The following RFTN1 variants were observed in gnomAD, a reference collection of about 807,000 sequenced individuals.
RFTN1 encodes the protein raftlin.
In RFTN1, 26 loss-of-function variants were observed where a neutral mutation model predicts 46.5. That is an observed-to-expected ratio of 0.56 (90% CI 0.41 to 0.78). The LOEUF (loss-of-function observed/expected upper bound fraction) is 0.78. Ranked by LOEUF, RFTN1 falls within the 30% of genes least tolerant of loss-of-function variation. The pLI, the probability that RFTN1 is intolerant of heterozygous loss-of-function variation, is 0.00. For missense variants in RFTN1, 693 were observed against 718.7 expected (o/e 0.96, Z 0.41); for synonymous variants, 261 against 284.2 (o/e 0.92, Z 0.82).
At chr3:16,398,583 TCCAGGTGCCCCATGGCCACAGCCA>T (rs1398040337) in intron 4 of RFTN1, among the ~76,000 whole-genome samples, 1 of 152,108 alleles carries the variant, frequency 6.6e-6, no homozygotes, top group Non-Finnish European at 1.5e-5. Flanking sequence ...CAAAGTAACA[TCCAGGTGCCCCATGGCCACAGCCA>T]GGTCCGGGAG....
chr3:16,353,205 C>T lies in RFTN1; in HGVS notation c.1146+4727G>A, dbSNP rs2072212638. The stretch of plus-strand genomic sequence containing the variant: ...TTAACTAGAAGCCAAAAGGGACCTG[C>T]TCAGGCCTTAAAAAGGAAAAATCTT... On this transcript the variant is annotated intron_variant, in intron 7 of 9. Coordinates refer to ENST00000334133, the MANE Select transcript of RFTN1 (RefSeq NM_015150.2). The surrounding 1 kb of genome is among the most constrained non-coding windows in gnomAD (Gnocchi z 5.4). Among the ~76,000 whole-genome samples, 2 of 152,262 alleles carry T rather than the reference C, an allele frequency of 1.3e-5. No homozygotes were observed. Among genetic ancestry groups the T allele is most frequent in the South Asian group, 4.1e-4 (2 of 4,828 alleles).
At chr3:16,355,703 G>T (rs976887242) in intron 7 of RFTN1, among the ~76,000 whole-genome samples, 3 of 152,194 alleles carry the variant, frequency 2.0e-5, no homozygotes, top group Non-Finnish European at 2.9e-5. Flanking sequence ...CTGCTAAAAC[G>T]CAGACTGCCA....
Position 16,466,613 on chromosome 3 carries a change from A to G in RFTN1, c.145+27112T>C, listed in dbSNP as rs1373792502. On this transcript the variant is annotated intron_variant, in intron 2 of 9. Transcript: ENST00000334133. This position sits in a 1 kb window ranked among gnomAD's most constrained non-coding sequence, Gnocchi z 5.6. ...AATTTAAGGAAAAAGTAAAACACCA[A>G]CCATCCTCAGAAACCAACCTTCTTT... 1.3e-5 allele frequency among the ~76,000 whole-genome samples: 2 copies of G among 152,196 alleles called. No individual in the cohort carries two copies. The highest frequency in any genetic ancestry group is 1.9e-4 in the East Asian group (1 of 5,196).
intron 2 of RFTN1, among the ~76,000 whole-genome samples, chr3:16,461,586 C>A (rs541637454): frequency 5.1e-4 from 77 of 152,224 alleles, no homozygotes; most frequent in Admixed American, 1.0e-3. Flanking sequence ...AGAATAGGGC[C>A]CTTTCAGCCA....
rs1012646574 is a variant in RFTN1, at chr3:16,506,108, T to C, written c.-9+7334A>G. On this transcript the variant is annotated intron_variant, in intron 1 of 9. Transcript: ENST00000334133. The surrounding 1 kb of genome is among the most constrained non-coding windows in gnomAD (Gnocchi z 4.8). Reference sequence around the variant, plus strand: ...AAAACAACAATGCAGGGGGGAGGGATAGCAATCACAGGAGGAGGTATAGTG... The same window carrying C: ...AAAACAACAATGCAGGGGGGAGGGACAGCAATCACAGGAGGAGGTATAGTG... Among the ~76,000 whole-genome samples, 2 of 151,962 alleles carry C rather than the reference T, an allele frequency of 1.3e-5. No individual in the cohort carries two copies. The highest frequency in any genetic ancestry group is 6.5e-5 in the Admixed American group (1 of 15,284).
rs973257281 is a variant in RFTN1, at chr3:16,498,755, G to A, written c.-8-4878C>T. Among the ~76,000 whole-genome samples, 21 of 152,064 alleles carry A rather than the reference G, an allele frequency of 1.4e-4. No individual in the cohort carries two copies. Among genetic ancestry groups the A allele is most frequent in the African/African-American group, 4.3e-4 (18 of 41,394 alleles). ...GCCACACCGGCATTCCTTTCATTTC[G>A]CCCTGGATTCTTCCACCAACTCCCA... On this transcript the variant is annotated intron_variant, in intron 1 of 9. Coordinates refer to ENST00000334133, the MANE Select transcript of RFTN1 (RefSeq NM_015150.2). The surrounding 1 kb of genome is among the most constrained non-coding windows in gnomAD (Gnocchi z 5.2).
intron 2 of RFTN1, among the ~76,000 whole-genome samples, chr3:16,441,988 G>A (rs947922129): frequency 3.3e-5 from 5 of 152,124 alleles, no homozygotes; most frequent in Admixed American, 6.5e-5. Flanking sequence ...TTAAAATAAT[G>A]TTTGCAGAAG....
In RFTN1 at chr3:16,509,768, A is replaced by ATCACGAG. The variant is rs1286953541; in HGVS notation, c.-9+3667_-9+3673dup. On this transcript the variant is annotated intron_variant, in intron 1 of 9. Transcript: ENST00000334133. This position sits in a 1 kb window ranked among gnomAD's most constrained non-coding sequence, Gnocchi z 4.9. ...CAGAGAGGCGATCACCCAGATGGGT[A>ATCACGAG]TCACGAGTCACGAAATCACTCAGCC... 1.3e-5 allele frequency among the ~76,000 whole-genome samples: 2 copies of ATCACGAG among 152,210 alleles called. No individual in the cohort carries two copies. Among genetic ancestry groups the ATCACGAG allele is most frequent in the Non-Finnish European group, 2.9e-5 (2 of 68,034 alleles).
Position 16,449,085 on chromosome 3 carries a change from C to T in RFTN1, c.146-15048G>A, listed in dbSNP as rs1402132995. ...TTTTCCCCTTCCTGTACTTTCTGGT[C>T]TGGTTCCTTGGGGAGTGGAGTGGGA... is the stretch of plus-strand genomic sequence containing the variant. On this transcript the variant is annotated intron_variant, in intron 2 of 9. Coordinates refer to ENST00000334133, the MANE Select transcript of RFTN1 (RefSeq NM_015150.2). This position sits in a 1 kb window ranked among gnomAD's most constrained non-coding sequence, Gnocchi z 5.1. 6.6e-6 allele frequency among the ~76,000 whole-genome samples: 1 copy of T among 152,208 alleles called. No homozygotes were observed. Among genetic ancestry groups the T allele is most frequent in the Non-Finnish European group, 1.5e-5 (1 of 68,042 alleles).
chr3:16,503,509 C>A (rs373150378), intron 1 of RFTN1, among the ~76,000 whole-genome samples: 3 of 152,134 alleles, frequency 2.0e-5, no homozygotes, highest in African/African-American at 7.2e-5. Context: ...TGCTAACATG[C>A]AGCCAGGGTT....
At chr3:16,417,808 A>C (rs1178521584) in intron 3 of RFTN1, among the ~76,000 whole-genome samples, 1 of 152,224 alleles carries the variant, frequency 6.6e-6, no homozygotes, top group Non-Finnish European at 1.5e-5. Flanking sequence ...TTCCAGCTCA[A>C]GCAATCCTCC....
chr3:16,423,248 A>C (rs1010825440), intron 3 of RFTN1, among the ~76,000 whole-genome samples: 23 of 151,170 alleles, frequency 1.5e-4, no homozygotes, highest in Admixed American at 1.3e-3. Flanking sequence ...TTGTCCTTCC[A>C]CAGACATTAG....
At chr3:16,364,267 T>A (rs1038290980) in intron 6 of RFTN1, among the ~76,000 whole-genome samples, 9 of 152,252 alleles carry the variant, frequency 5.9e-5, no homozygotes, top group African/African-American at 2.2e-4. Flanking sequence ...GTTCAAGGCT[T>A]TTCATTGAAT....
At chr3:16,366,944 C>T (rs77724204) in intron 6 of RFTN1, among the ~76,000 whole-genome samples, 7,553 of 119,928 alleles carry the variant, frequency 0.063, no homozygotes, top group South Asian at 0.21. Flanking sequence ...TCCTGGACAC[C>T]ATGAGCAGGA....
intron 3 of RFTN1, among the ~76,000 whole-genome samples, chr3:16,423,151 G>C (rs2125473101): frequency 6.6e-6 from 1 of 150,824 alleles, no homozygotes; most frequent in East Asian, 1.9e-4. Flanking sequence ...CTGGGTGACA[G>C]AGCGAGACTC....
At position 16,424,400 on chromosome 3, in the gene RFTN1, T is replaced by C. The variant is rs1388706473; in HGVS notation, c.332+9451A>G. Reference sequence around the variant, plus strand: ...TACAAAACAGTGTATGTCTAAAACCTCTGCTGAAAGCACAGTAATGTTTTC... The same window carrying C: ...TACAAAACAGTGTATGTCTAAAACCCCTGCTGAAAGCACAGTAATGTTTTC... On this transcript the variant is annotated intron_variant, in intron 3 of 9. Coordinates refer to ENST00000334133, the MANE Select transcript of RFTN1 (RefSeq NM_015150.2). This position sits in a 1 kb window ranked among gnomAD's most constrained non-coding sequence, Gnocchi z 4.7. 1.3e-5 allele frequency among the ~76,000 whole-genome samples: 2 copies of C among 152,206 alleles called. No individual in the cohort carries two copies. The highest frequency in any genetic ancestry group is 2.9e-5 in the Non-Finnish European group (2 of 68,040).
At chr3:16,444,307 A>G (rs1268174797) in intron 2 of RFTN1, among the ~76,000 whole-genome samples, 1 of 152,254 alleles carries the variant, frequency 6.6e-6, no homozygotes, top group Non-Finnish European at 1.5e-5. Context: ...CAATATAAAA[A>G]TTAAACTACT....
Position 16,447,434 on chromosome 3 carries a change from C to T in RFTN1, c.146-13397G>A, listed in dbSNP as rs2075752152. ...GTTGAGCAGCTCCGGCTCCATTAAC[C>T]AATTTGCATGCAAAATCGACATCAG... is the stretch of plus-strand genomic sequence containing the variant. On this transcript the variant is annotated intron_variant, in intron 2 of 9. Coordinates refer to ENST00000334133, the MANE Select transcript of RFTN1 (RefSeq NM_015150.2). This position sits in a 1 kb window ranked among gnomAD's most constrained non-coding sequence, Gnocchi z 5.9. Among the ~76,000 whole-genome samples, 1 of 152,166 alleles carries T rather than the reference C, an allele frequency of 6.6e-6. No homozygotes were observed. Among genetic ancestry groups the T allele is most frequent in the Admixed American group, 6.5e-5 (1 of 15,278 alleles).
At chr3:16,456,004 ACTT>A (rs753525630) in intron 2 of RFTN1, among the ~76,000 whole-genome samples, 9 of 114,028 alleles carry the variant, frequency 7.9e-5, no homozygotes, top group Non-Finnish European at 1.1e-4. Context: ...TTATCATTCC[ACTT>A]CATGAAATTT....
Sources: gnomAD v4.1 joint callset for allele counts (sites outside exome capture counted in the v4.1 genomes callset) on GRCh38, gnomAD v4.1.1 for gene constraint, Gnocchi (gnomAD v3.1) non-coding constraint, MANE v1.5 for transcripts, NCBI Gene and HGNC (gene_info 2026-07-23, HGNC 2026-07-21) for gene names.